Variants in ROBO1 observed in about 807,000 individuals in gnomAD.
ROBO1 encodes roundabout homolog 1.
In ROBO1, 149 loss-of-function variants were observed where a neutral mutation model predicts 195.9. That is an observed-to-expected ratio of 0.76 (90% CI 0.67 to 0.87). The LOEUF (loss-of-function observed/expected upper bound fraction) is 0.87. Among genes scored for constraint, ROBO1 ranks in the 40% least tolerant of loss-of-function variants. ROBO1 has a pLI of 0.00. For synonymous variants in ROBO1, 816 were observed against 733.2 expected (o/e 1.11, Z -1.82); for missense variants, 1,933 against 2,068.3 (o/e 0.93, Z 1.27).
rs77498488 is a variant in ROBO1, at chr3:79,140,119, A to T, written c.89-14580T>A. On this transcript the variant is annotated intron_variant, in intron 2 of 30. Transcript: ENST00000464233. Reference sequence around the variant, plus strand: ...GATCACATCTGAGATCTTAAGTAAAAACTGAGATCTCCTTATCCTTTACCC... The same window carrying T: ...GATCACATCTGAGATCTTAAGTAAATACTGAGATCTCCTTATCCTTTACCC... 6.4e-4 allele frequency among the ~76,000 whole-genome samples: 97 copies of T among 152,202 alleles called. No individual in the cohort carries two copies. In the East Asian group the frequency reaches 0.013, roughly 20 times the overall value.
At chr3:79,698,689 A>G (rs1947519050) in intron 1 of ROBO1, among the ~76,000 whole-genome samples, 1 of 151,614 alleles carries the variant, frequency 6.6e-6, no homozygotes, top group South Asian at 2.1e-4. Context: ...TCAATCTTAA[A>G]GTATTCCTAA....
intron 2 of ROBO1, among the ~76,000 whole-genome samples, chr3:79,275,234 CAA>C (rs2030927052): frequency 6.6e-6 from 1 of 151,870 alleles, no homozygotes; most frequent in African/African-American, 2.4e-5. Context: ...AAATCCTCAA[CAA>C]AATACCAGGA....
intron 2 of ROBO1, among the ~76,000 whole-genome samples, chr3:79,159,127 C>T (rs1269162834): frequency 6.6e-6 from 1 of 151,910 alleles, no homozygotes; most frequent in African/African-American, 2.4e-5. Context: ...CATGAGAAGA[C>T]ATAGCTTACT....
chr3:79,199,625 T>C (rs2081723416), intron 2 of ROBO1, among the ~76,000 whole-genome samples: 2 of 151,790 alleles, frequency 1.3e-5, no homozygotes, highest in African/African-American at 4.8e-5. Flanking sequence ...GTTTGTCTGT[T>C]TCTATCCTTT....
chr3:79,747,663 G>A (rs1703935124), intron 1 of ROBO1, among the ~76,000 whole-genome samples: 1 of 151,966 alleles, frequency 6.6e-6, no homozygotes, highest in African/African-American at 2.4e-5. Context: ...GTGTAACATA[G>A]TCACCCCACA....
At chr3:79,733,987 G>A (rs4856298) in intron 1 of ROBO1, among the ~76,000 whole-genome samples, 85,333 of 147,006 alleles carry the variant, frequency 0.58, 24,723 homozygotes, top group South Asian at 0.69. Flanking sequence ...TCACTCTCTC[G>A]CCCAGGCTGG....
intron 2 of ROBO1, among the ~76,000 whole-genome samples, chr3:79,338,146 G>T (rs995710643): frequency 2.0e-5 from 3 of 152,048 alleles, no homozygotes; most frequent in African/African-American, 7.2e-5. Flanking sequence ...TGCAGTAATT[G>T]CTTGCTGTTG....
chr3:79,411,515 C>A (rs370489171), intron 2 of ROBO1, among the ~76,000 whole-genome samples: 4 of 152,178 alleles, frequency 2.6e-5, no homozygotes, highest in East Asian at 3.9e-4. Flanking sequence ...TCTTGTTACC[C>A]TCAGGACAAA....
intron 21 of ROBO1, among the ~76,000 whole-genome samples, chr3:78,643,274 C>T (rs1706079229): frequency 6.6e-6 from 1 of 152,152 alleles, no homozygotes; most frequent in Non-Finnish European, 1.5e-5. Context: ...ACAAATGAGC[C>T]TAGCTGTATT....
chr3:79,184,456 C>T (rs2108741068), intron 2 of ROBO1, among the ~76,000 whole-genome samples: 1 of 152,196 alleles, frequency 6.6e-6, no homozygotes, highest in East Asian at 1.9e-4. Context: ...TATAGGGAGT[C>T]ACCACACAAC....
chr3:78,757,668 A>G (rs779466240), intron 4 of ROBO1, among the ~76,000 whole-genome samples: 1 of 152,200 alleles, frequency 6.6e-6, no homozygotes, highest in Non-Finnish European at 1.5e-5. Flanking sequence ...TTGAAAACAA[A>G]CAAACAAACT....
intron 3 of ROBO1, among the ~76,000 whole-genome samples, chr3:78,987,054 T>C (rs541722709): frequency 2.6e-5 from 4 of 151,596 alleles, no homozygotes; most frequent in African/African-American, 9.7e-5. Flanking sequence ...AACACAGCAG[T>C]GTTTCTGAAT....
intron 2 of ROBO1, among the ~76,000 whole-genome samples, chr3:79,429,784 C>T (rs1169764282): frequency 6.6e-6 from 1 of 152,050 alleles, no homozygotes; most frequent in Non-Finnish European, 1.5e-5. Flanking sequence ...GAATAATGCC[C>T]ATTAGTTTCT....
At chr3:78,972,331 A>G (rs1013683797) in intron 3 of ROBO1, among the ~76,000 whole-genome samples, 1 of 152,234 alleles carries the variant, frequency 6.6e-6, no homozygotes, top group African/African-American at 2.4e-5. Flanking sequence ...AACCAGGTCA[A>G]CGCTACATAG....
At chr3:79,263,476 C>T (rs1374035272) in intron 2 of ROBO1, among the ~76,000 whole-genome samples, 1 of 151,960 alleles carries the variant, frequency 6.6e-6, no homozygotes, top group African/African-American at 2.4e-5. Flanking sequence ...TAGCAAGACC[C>T]TGTCTCTACA....
chr3:78,665,436 C>T (rs566280254), intron 14 of ROBO1, among the ~76,000 whole-genome samples: 1 of 152,262 alleles, frequency 6.6e-6, no homozygotes, highest in South Asian at 2.1e-4. Flanking sequence ...AACCCAAGTT[C>T]AAGTACCAGA....
intron 3 of ROBO1, among the ~76,000 whole-genome samples, chr3:79,088,509 T>A (rs1474572368): frequency 6.6e-6 from 1 of 152,172 alleles, no homozygotes; most frequent in East Asian, 1.9e-4. Context: ...CGGATTGTTA[T>A]ATTTAATTAC....
intron 2 of ROBO1, among the ~76,000 whole-genome samples, chr3:79,285,708 A>C (rs768340424): frequency 9.2e-5 from 14 of 152,224 alleles, no homozygotes; most frequent in Non-Finnish European, 1.5e-4. Context: ...ATATTTTGCA[A>C]AGACCATTAA....
At chr3:78,700,886 C>A (rs2081404480) in intron 8 of ROBO1, among the ~76,000 whole-genome samples, 1 of 151,914 alleles carries the variant, frequency 6.6e-6, no homozygotes, top group South Asian at 2.1e-4. Flanking sequence ...GCCTCAGCCT[C>A]CTGAGTAGCT....
Sources: gnomAD v4.1 joint callset for allele counts (sites outside exome capture counted in the v4.1 genomes callset) on GRCh38, gnomAD v4.1.1 for gene constraint, MANE v1.5 for transcripts, NCBI Gene and HGNC (gene_info 2026-07-23, HGNC 2026-07-21) for gene names.